The following SBF2 variants were observed in gnomAD, a reference collection of about 807,000 sequenced individuals.
SBF2 encodes the protein myotubularin-related protein 13.
Under a neutral mutation model 225.2 loss-of-function variants are expected in SBF2, and 112 were observed. That is an observed-to-expected ratio of 0.50 (90% CI 0.43 to 0.58). The LOEUF is 0.58. Ranked by LOEUF, SBF2 falls within the 20% of genes least tolerant of loss-of-function variation. The pLI, the probability that SBF2 is intolerant of heterozygous loss-of-function variation, is 0.00. For synonymous variants in SBF2, 763 were observed against 773.3 expected (o/e 0.99, Z 0.22); for missense variants, 1,996 against 2,206.2 (o/e 0.90, Z 1.91).
At chr11:10,112,595 C>A (rs11042631) in intron 2 of SBF2, among the ~76,000 whole-genome samples, 1 of 152,186 alleles carries the variant, frequency 6.6e-6, no homozygotes, top group African/African-American at 2.4e-5. Flanking sequence ...CACTACCAGA[C>A]AAGGACAATG....
At chr11:10,093,503 C>T (rs1951870693) in intron 2 of SBF2, among the ~76,000 whole-genome samples, 1 of 151,922 alleles carries the variant, frequency 6.6e-6, no homozygotes, top group African/African-American at 2.4e-5. Flanking sequence ...TTTCTTAAGA[C>T]ATCCTTGGTA....
At chr11:9,869,493 A>G (rs549052165) in intron 17 of SBF2, among the ~76,000 whole-genome samples, 2 of 152,136 alleles carry the variant, frequency 1.3e-5, no homozygotes, top group South Asian at 4.1e-4. Flanking sequence ...TAATTTTTGT[A>G]TTTTTAGTAG....
chr11:10,044,310 T>TGTTC (rs1949771957), intron 2 of SBF2, among the ~76,000 whole-genome samples: 1 of 150,442 alleles, frequency 6.6e-6, no homozygotes, highest in East Asian at 1.9e-4. Flanking sequence ...CAGTACAGAT[T>TGTTC]GTTCTGGGCG....
At chr11:9,989,714 C>T in intron 12 of SBF2, 119 bp from the exon 13 acceptor site, 1 of 649,912 alleles carries the variant, frequency 1.5e-6, no homozygotes, top group Non-Finnish European at 2.6e-6. Flanking sequence ...ATTTTTAAAA[C>T]AAAATATTTC....
rs982821887 is a variant in SBF2, at chr11:9,853,629, A to G, written c.2447T>C (p.Val816Ala). The G allele has an allele frequency of 5.0e-6, 8 of 1,613,882 alleles. No homozygotes were observed. The Admixed American group carries it at 5.0e-5, about 10-fold the overall frequency. The stretch of plus-strand genomic sequence containing the variant: ...GTCAATAAATCGGGTAATGAACCGC[A>G]CAACAGAATTGGCAATGTCAGTATT... ...SENTDIANSVVRFITRFIDKV... is the reference protein window; with the variant it reads ...SENTDIANSVARFITRFIDKV... Residue 816 changes from valine to alanine, a missense_variant, in exon 20 of 40, where the codon GTG (valine) becomes GCG (alanine). Val to Ala is a moderately conservative substitution (Grantham distance 64). Coordinates refer to ENST00000256190, the MANE Select transcript of SBF2 (RefSeq NM_030962.4).
At chr11:10,189,382 A>G (rs578103352) in intron 2 of SBF2, among the ~76,000 whole-genome samples, 2 of 152,338 alleles carry the variant, frequency 1.3e-5, no homozygotes, top group South Asian at 4.1e-4. Flanking sequence ...CAGTATTTAC[A>G]TCTATGTCAG....
At chr11:9,926,164 T>C (rs537351028) in intron 16 of SBF2, among the ~76,000 whole-genome samples, 3 of 152,318 alleles carry the variant, frequency 2.0e-5, no homozygotes, top group East Asian at 3.9e-4. Flanking sequence ...CCTTGTTTTT[T>C]TCCCTTTTCA....
At chr11:10,293,867 C>T in intron 1 of SBF2, 148 bp downstream of exon 1, 2 of 492,664 alleles carry the variant, frequency 4.1e-6, no homozygotes, top group East Asian at 3.9e-5. Context: ...TCAGCCCAGC[C>T]GAGAAGGCCG....
chr11:10,190,189 C>T (rs1957108599), intron 2 of SBF2, among the ~76,000 whole-genome samples: 1 of 150,728 alleles, frequency 6.6e-6, no homozygotes, highest in Admixed American at 6.6e-5. Flanking sequence ...CAAAACAATA[C>T]AATTTTGCTT....
At chr11:10,044,197 A>C (rs935710930) in intron 2 of SBF2, among the ~76,000 whole-genome samples, 1 of 152,106 alleles carries the variant, frequency 6.6e-6, no homozygotes, top group Non-Finnish European at 1.5e-5. Context: ...CAATAAAATA[A>C]AAGGCTGCTT....
At chr11:10,224,645 T>G (rs986317872) in intron 1 of SBF2, among the ~76,000 whole-genome samples, 5 of 152,162 alleles carry the variant, frequency 3.3e-5, no homozygotes, top group Non-Finnish European at 5.9e-5. Context: ...CCCCTCAAAC[T>G]GGTTTACTCC....
At chr11:9,957,031 T>C (rs984768985) in intron 16 of SBF2, 2 of 152,190 alleles carry the variant, frequency 1.3e-5, no homozygotes, top group African/African-American at 4.8e-5. Context: ...TTTTTAAAAA[T>C]TTAATATATC....
chr11:10,120,374 T>C (rs1159169943), intron 2 of SBF2, among the ~76,000 whole-genome samples: 1 of 152,238 alleles, frequency 6.6e-6, no homozygotes, highest in African/African-American at 2.4e-5. Flanking sequence ...CAGTAAATAA[T>C]GCTGCAATGA....
chr11:9,787,371 T>C (rs953937931), intron 36 of SBF2, among the ~76,000 whole-genome samples: 1 of 152,152 alleles, frequency 6.6e-6, no homozygotes, highest in African/African-American at 2.4e-5. Context: ...GGCACTGAGA[T>C]AGAAAAGAAC....
intron 16 of SBF2, among the ~76,000 whole-genome samples, chr11:9,931,319 CCT>C (rs1364922104): frequency 6.6e-6 from 1 of 152,216 alleles, no homozygotes; most frequent in Non-Finnish European, 1.5e-5. Context: ...GTCCCTGACC[CCT>C]GTGTAGTCTA....
chr11:10,003,746 T>C (rs1948074046), intron 6 of SBF2, among the ~76,000 whole-genome samples: 1 of 152,082 alleles, frequency 6.6e-6, no homozygotes, highest in African/African-American at 2.4e-5. Flanking sequence ...TCTGTTAGTA[T>C]GGTATTTATA....
chr11:9,896,101 T>G, intron 16 of SBF2, 90 bp from the exon 17 acceptor site: 3 of 1,031,078 alleles, frequency 2.9e-6, no homozygotes. Flanking sequence ...CACTGTTTAC[T>G]GTCCTATGGG....
intron 26 of SBF2, 81 bp downstream of exon 26, chr11:9,839,417 A>C: frequency 3.0e-6 from 4 of 1,330,906 alleles, no homozygotes; most frequent in Non-Finnish European, 3.2e-6. Flanking sequence ...TCTCAGGGCT[A>C]TGGATGCAAA....
intron 38 of SBF2, among the ~76,000 whole-genome samples, chr11:9,781,956 G>A (rs1852035074): frequency 6.6e-6 from 1 of 152,020 alleles, no homozygotes; most frequent in Non-Finnish European, 1.5e-5. Flanking sequence ...AGGTGAAGGT[G>A]GACGGATCAC....
Sources: allele counts gnomAD v4.1 joint callset (sites outside exome capture counted in the v4.1 genomes callset), GRCh38; gene constraint gnomAD v4.1.1; transcripts MANE v1.5; gene names NCBI Gene and HGNC (gene_info 2026-07-23, HGNC 2026-07-21).